OAT: variants seen among roughly 807,000 people sequenced by gnomAD.
OAT encodes the protein ornithine aminotransferase, mitochondrial.
A neutral mutation model predicts 48.4 loss-of-function variants in OAT; 35 were observed. The ratio of observed to expected loss-of-function variants is 0.72; its 90% confidence interval spans 0.55 to 0.96. The LOEUF is 0.96. Among genes scored for constraint, OAT ranks in the 40% least tolerant of loss-of-function variants. The probability of loss-of-function intolerance (pLI) is 0.00; values close to 1 mark genes in which losing one functional copy is unlikely to be tolerated. For missense variants in OAT, 438 were observed against 537.9 expected, an observed-to-expected ratio of 0.81 and a Z score of 1.84; for synonymous variants, 182 against 198.4, an observed-to-expected ratio of 0.92 and a Z score of 0.70.
Position 124,402,048 on chromosome 10 carries a change from G to GTTATTTATTTATTTATTTAT in OAT, c.901-229_901-210dup, listed in dbSNP as rs561875325. Among the ~76,000 whole-genome samples, 2,473 of 151,304 alleles carry GTTATTTATTTATTTATTTAT rather than the reference G, an allele frequency of 0.016. 72 individuals are homozygous for GTTATTTATTTATTTATTTAT. The highest frequency in any genetic ancestry group is 0.057 in the African/African-American group (2,353 of 41,120). The stretch of plus-strand genomic sequence containing the variant: ...AGGTGCCCACCACCACACCACACAT[G>GTTATTTATTTATTTATTTAT]TTATTTATTTATTTATTTATTTTGT... On this transcript the variant is annotated intron_variant, in intron 7 of 9. Transcript: ENST00000368845.
intron 2 of OAT, among the ~76,000 whole-genome samples, chr10:124,411,139 C>CAAAAAAAAA (rs370084432): frequency 4.0e-4 from 6 of 15,024 alleles, no homozygotes; most frequent in Non-Finnish European, 6.4e-4. Flanking sequence ...CATTCCGTCT[C>CAAAAAAAAA]AAAAAAAAAA....
intron 6 of OAT, 63 bp from the exon 7 acceptor site, chr10:124,403,118 T>A: frequency 6.4e-7 from 1 of 1,569,476 alleles, no homozygotes; most frequent in Non-Finnish European, 8.8e-7. Context: ...AAAATAGCCA[T>A]CCTTATTTCA....
chr10:124,398,438 C>T (rs1273218785), intron 9 of OAT, among the ~76,000 whole-genome samples: 3 of 151,192 alleles, frequency 2.0e-5, no homozygotes, highest in Admixed American at 6.6e-5. Context: ...AACCAGGAGG[C>T]GGAGGCTGCA....
In OAT at chr10:124,400,865, G is replaced by A. The variant is rs11461; in HGVS notation, c.1134C>T (p.Asn378=). 618,593 of 1,591,336 alleles carry A rather than the reference G, an allele frequency of 0.39. 126,448 individuals are homozygous for A. Among genetic ancestry groups the A allele is most frequent in the East Asian group, 0.62 (27,505 of 44,646 alleles). Residue 378 remains asparagine (N), a synonymous_variant, in exon 9 of 10, where the codon AAC becomes AAT. Transcript: ENST00000368845. ...CTTTGGTTTCTTTAATGACAATAGC[G>A]TTTAATAATCCTTTTCCTCTTACGG... The part of the protein sequence containing the change: ...VTAVRGKGLL[N]AIVIKETKDW...
At chr10:124,413,461 G>A (rs1237960545) in intron 1 of OAT, among the ~76,000 whole-genome samples, 1 of 152,120 alleles carries the variant, frequency 6.6e-6, no homozygotes, top group Admixed American at 6.6e-5. Context: ...AGAGGCAGGC[G>A]ATCACCTGAA....
intron 6 of OAT, 92 bp from the exon 7 acceptor site, chr10:124,403,147 T>C: frequency 7.2e-7 from 1 of 1,388,972 alleles, no homozygotes. Flanking sequence ...CCACCAACAA[T>C]AAATGTGTAA....
chr10:124,399,163 G>T (rs936774577), intron 9 of OAT, among the ~76,000 whole-genome samples: 1 of 151,874 alleles, frequency 6.6e-6, no homozygotes, highest in Non-Finnish European at 1.5e-5. Flanking sequence ...TTCCAAAAAG[G>T]GACTCGCTTC....
intron 2 of OAT, 143 bp from the exon 3 acceptor site, chr10:124,409,108 C>G: frequency 1.6e-6 from 1 of 623,626 alleles, no homozygotes; most frequent in Non-Finnish European, 2.8e-6. Flanking sequence ...CTTGTTTTAG[C>G]TCAGGCATAA....
Position 124,408,885 on chromosome 10 carries a change from G to A in OAT, c.280C>T (p.His94Tyr). 1 of 1,613,762 alleles carries A rather than the reference G, an allele frequency of 6.2e-7. No individual in the cohort carries two copies. Among genetic ancestry groups the A allele is most frequent in the South Asian group, 1.1e-5 (1 of 91,072 alleles). Residue 94 changes from histidine to tyrosine, a missense_variant, in exon 3 of 10, where the codon CAC (histidine) becomes TAC (tyrosine). By Grantham distance (83) the His-to-Tyr change is moderately conservative. Coordinates refer to ENST00000368845, the MANE Select transcript of OAT (RefSeq NM_000274.4). ...TTCAGAGCATTCACAATCTTGGGGT[G>A]ACAATGCCCTTGGTTGACAGCACTG... ...SYSAVNQGHC[H>Y]PKIVNALKSQ...
Position 124,402,839 on chromosome 10 carries a change from T to C in OAT, c.900+88A>G, listed in dbSNP as rs1393333441. 5.0e-5 allele frequency: 77 copies of C among 1,544,164 alleles called. No homozygotes were observed. In the Admixed American group the frequency reaches 1.3e-3, roughly 25 times the overall value. On this transcript the variant is annotated intron_variant, in intron 7 of 9. Transcript: ENST00000368845. ...GGTAAAATCAAACAATCTGAAAGCA[T>C]TGTTGTCACAATCAGTTGATGTATA... is the stretch of plus-strand genomic sequence containing the variant.
chr10:124,403,086 G>T, intron 6 of OAT, 31 bp from the exon 7 acceptor site: 1 of 1,612,720 alleles, frequency 6.2e-7, no homozygotes, highest in Non-Finnish European at 8.5e-7. Context: ...CCCTATTAGT[G>T]ATCACTTTCG....
intron 4 of OAT, chr10:124,407,082 T>C: frequency 6.1e-6 from 6 of 985,454 alleles, no homozygotes; most frequent in Non-Finnish European, 7.2e-6. Flanking sequence ...TTTGGCTTCA[T>C]CTCGTTTCTA....
At chr10:124,406,748 A>G (rs59964687) in intron 4 of OAT, among the ~76,000 whole-genome samples, 5,584 of 148,168 alleles carry the variant, frequency 0.038, 345 homozygotes, top group African/African-American at 0.13. Context: ...CCCTGGAGGC[A>G]GAGGTTACAG....
chr10:124,400,899 A>T lies in OAT; in HGVS notation c.1100T>A (p.Val367Asp). Residue 367 changes from valine (V) to aspartate (D), a missense_variant, in exon 9 of 10, where the codon GTT (valine) becomes GAT (aspartate). By Grantham distance (152) the Val-to-Asp change is radical (BLOSUM62 -3). Transcript: ENST00000368845. ...RNELMKLPSDVVTAVRGKGLL... is the reference protein window; with the variant it reads ...RNELMKLPSDDVTAVRGKGLL... ...TCCTTTTCCTCTTACGGCAGTTACAACATCAGAAGGTAGCTTCATGAGTTC... is the reference window on the plus strand; with the variant it reads ...TCCTTTTCCTCTTACGGCAGTTACATCATCAGAAGGTAGCTTCATGAGTTC... 6.2e-7 allele frequency: 1 copy of T among 1,607,680 alleles called. No homozygotes were observed. The highest frequency in any genetic ancestry group is 8.5e-7 in the Non-Finnish European group (1 of 1,175,884).
intron 1 of OAT, among the ~76,000 whole-genome samples, chr10:124,413,305 CACACATAT>C (rs919298410): frequency 3.7e-5 from 5 of 136,450 alleles, no homozygotes; most frequent in African/African-American, 6.4e-5. Context: ...CACACACACA[CACACATAT>C]ATGAGATTCC....
chr10:124,400,201 G>A (rs1564727376), intron 9 of OAT, among the ~76,000 whole-genome samples: 1 of 152,138 alleles, frequency 6.6e-6, no homozygotes, highest in Non-Finnish European at 1.5e-5. Flanking sequence ...TGTCATCTCA[G>A]CACTTTCAGA....
intron 4 of OAT, among the ~76,000 whole-genome samples, chr10:124,408,284 A>AGT (rs71026082): frequency 0.078 from 6,327 of 80,804 alleles, 235 homozygotes; most frequent in Non-Finnish European, 0.11. Flanking sequence ...AAAATATATA[A>AGT]GTGTGTGTGT....
intron 1 of OAT, among the ~76,000 whole-genome samples, chr10:124,413,781 G>A (rs1301537791): frequency 1.3e-5 from 2 of 152,126 alleles, no homozygotes; most frequent in Non-Finnish European, 2.9e-5. Flanking sequence ...ACTTGTATGA[G>A]TGTTAAAGTC....
intron 9 of OAT, among the ~76,000 whole-genome samples, chr10:124,399,880 A>G (rs1169288975): frequency 1.3e-5 from 2 of 152,160 alleles, no homozygotes; most frequent in Non-Finnish European, 2.9e-5. Context: ...AAAGCATCAA[A>G]GTGAGGGAGG....
Sources: allele counts gnomAD v4.1 joint callset (sites outside exome capture counted in the v4.1 genomes callset), GRCh38; gene constraint gnomAD v4.1.1; transcripts MANE v1.5; gene names NCBI Gene and HGNC (gene_info 2026-07-23, HGNC 2026-07-21).